The following DAB1 variants were observed in gnomAD, a reference collection of about 807,000 sequenced individuals.
DAB1 encodes disabled homolog 1.
Under a neutral mutation model 64.6 loss-of-function variants are expected in DAB1, and 15 were observed. The ratio of observed to expected loss-of-function variants is 0.23; its 90% confidence interval spans 0.16 to 0.36. The LOEUF is 0.36. DAB1 is among the 10% of genes least tolerant of loss of function. The pLI is 1.00. For missense variants in DAB1, 596 were observed against 706.7 expected, an observed-to-expected ratio of 0.84 and a Z score of 1.78; for synonymous variants, 235 against 251.9, an observed-to-expected ratio of 0.93 and a Z score of 0.64.
intron 5 of DAB1, among the ~76,000 whole-genome samples, chr1:58,139,383 G>T (rs1193917307): frequency 1.3e-5 from 2 of 152,154 alleles, no homozygotes; most frequent in Non-Finnish European, 2.9e-5. Context: ...GTTCTGCAAG[G>T]CAGGGGAGGT....
chr1:58,039,103 G>A (rs1158476805), intron 5 of DAB1, among the ~76,000 whole-genome samples: 2 of 152,148 alleles, frequency 1.3e-5, no homozygotes, highest in Non-Finnish European at 2.9e-5. Context: ...GGGCCTTGCT[G>A]TTACTGCAGA....
chr1:57,075,338 T>C (rs1038845180), intron 4 of DAB1, among the ~76,000 whole-genome samples: 7 of 152,224 alleles, frequency 4.6e-5, no homozygotes, highest in African/African-American at 1.7e-4. Flanking sequence ...TACCTAATAC[T>C]GTCTTGCAGA....
intron 4 of DAB1, among the ~76,000 whole-genome samples, chr1:57,102,556 A>C (rs1453328878): frequency 6.6e-6 from 1 of 152,210 alleles, no homozygotes; most frequent in African/African-American, 2.4e-5. Flanking sequence ...CAGGATTTAA[A>C]ACAAACAAAA....
At chr1:58,201,881 T>C (rs1159702144) in intron 4 of DAB1, among the ~76,000 whole-genome samples, 1 of 152,180 alleles carries the variant, frequency 6.6e-6, no homozygotes, top group East Asian at 1.9e-4. Context: ...TGACTTGATG[T>C]ACAGGTAACA....
intron 5 of DAB1, among the ~76,000 whole-genome samples, chr1:58,149,506 C>T (rs1039804416): frequency 2.6e-5 from 4 of 152,166 alleles, no homozygotes; most frequent in Non-Finnish European, 4.4e-5. Flanking sequence ...GCTATGGATA[C>T]GTTTCCTGAA....
chr1:57,744,031 C>A (rs1184551021), intron 6 of DAB1, among the ~76,000 whole-genome samples: 2 of 152,224 alleles, frequency 1.3e-5, no homozygotes, highest in East Asian at 3.9e-4. Context: ...TCCTTGCCCT[C>A]ATTCTCGTAA....
At chr1:58,106,136 CTTTCTTTCT>C (rs1218288017) in intron 5 of DAB1, among the ~76,000 whole-genome samples, 2 of 149,938 alleles carry the variant, frequency 1.3e-5, no homozygotes, top group Non-Finnish European at 3.0e-5. Flanking sequence ...TTTTCTTTCT[CTTTCTTTCT>C]TTTCTTTCTT....
intron 9 of DAB1, among the ~76,000 whole-genome samples, chr1:57,062,262 A>G (rs1422596447): frequency 6.6e-6 from 1 of 152,140 alleles, no homozygotes; most frequent in Non-Finnish European, 1.5e-5. Context: ...AGCCCATTGC[A>G]TATGACCTTT....
At chr1:58,177,937 C>T (rs1656578031) in intron 4 of DAB1, among the ~76,000 whole-genome samples, 1 of 152,192 alleles carries the variant, frequency 6.6e-6, no homozygotes, top group Admixed American at 6.5e-5. Flanking sequence ...GAGTGATTCT[C>T]TGAGCCTCTA....
chr1:58,515,275 C>G (rs1411144792), intron 2 of DAB1, among the ~76,000 whole-genome samples: 1 of 152,192 alleles, frequency 6.6e-6, no homozygotes, highest in African/African-American at 2.4e-5. Flanking sequence ...GCCAATCCCT[C>G]ACACCAAGAG....
chr1:58,149,041 A>G (rs980888015), intron 5 of DAB1, among the ~76,000 whole-genome samples: 5 of 152,144 alleles, frequency 3.3e-5, no homozygotes, highest in African/African-American at 1.2e-4. Context: ...TCATGTCCAC[A>G]AACAGTTCTC....
intron 5 of DAB1, among the ~76,000 whole-genome samples, chr1:58,074,792 T>C (rs1230977612): frequency 6.6e-6 from 1 of 151,782 alleles, no homozygotes; most frequent in Non-Finnish European, 1.5e-5. Context: ...CAGCAGTAAC[T>C]AGAAAGAAAA....
intron 7 of DAB1, among the ~76,000 whole-genome samples, chr1:57,577,044 T>C (rs7541243): frequency 0.2 from 30,459 of 152,150 alleles, 3,417 homozygotes; most frequent in Middle Eastern, 0.24. Flanking sequence ...GGAGCAGTGG[T>C]GAAGGCCTAC....
chr1:57,289,479 AT>A (rs1426766205), intron 2 of DAB1, among the ~76,000 whole-genome samples: 2 of 152,162 alleles, frequency 1.3e-5, no homozygotes, highest in Non-Finnish European at 2.9e-5. Flanking sequence ...TTAGACCATG[AT>A]GCATAGAAAA....
intron 7 of DAB1, among the ~76,000 whole-genome samples, chr1:57,579,812 T>A (rs1361085626): frequency 1.3e-5 from 2 of 152,164 alleles, no homozygotes; most frequent in African/African-American, 2.4e-5. Context: ...TTAATCATAT[T>A]ACCTTGGTGA....
chr1:57,514,259 C>T (rs1644438533), intron 7 of DAB1, among the ~76,000 whole-genome samples: 1 of 152,198 alleles, frequency 6.6e-6, no homozygotes, highest in African/African-American at 2.4e-5. Flanking sequence ...AAGGAACCTT[C>T]ATACTTTTTT....
At chr1:57,297,723 T>C (rs895156622) in intron 1 of DAB1, among the ~76,000 whole-genome samples, 2 of 152,196 alleles carry the variant, frequency 1.3e-5, no homozygotes, top group African/African-American at 4.8e-5. Flanking sequence ...GCTCAAACTC[T>C]TAACACAAAG....
intron 4 of DAB1, among the ~76,000 whole-genome samples, chr1:58,224,097 TG>T (rs1015274481): frequency 6.6e-6 from 1 of 152,196 alleles, no homozygotes; most frequent in African/African-American, 2.4e-5. Context: ...CTAGTGGCAG[TG>T]GGGTATGAGG....
intron 4 of DAB1, among the ~76,000 whole-genome samples, chr1:58,294,865 C>CCTGTGTGTGTGTGTGT: frequency 7.3e-6 from 1 of 137,634 alleles, no homozygotes; most frequent in South Asian, 2.6e-4. Flanking sequence ...TGGTCCAGAA[C>CCTGTGTGTGTGTGTGT]GTGTGTGTGT....
Sources: allele counts gnomAD v4.1 joint callset (sites outside exome capture counted in the v4.1 genomes callset), GRCh38; gene constraint gnomAD v4.1.1; transcripts MANE v1.5; gene names NCBI Gene and HGNC (gene_info 2026-07-23, HGNC 2026-07-21).